The following CCDC77 variants were observed in gnomAD, a reference collection of about 807,000 sequenced individuals.
CCDC77 encodes coiled-coil domain-containing protein 77.
Under a neutral mutation model 66.8 loss-of-function variants are expected in CCDC77, and 56 were observed. That is an observed-to-expected ratio of 0.84 (90% confidence interval 0.68 to 1.05). The LOEUF (loss-of-function observed/expected upper bound fraction) is 1.05, where lower values mean the gene tolerates loss of function less well. Among genes scored for constraint, CCDC77 ranks in the 50% least tolerant of loss-of-function variants. The pLI is 0.00. For synonymous variants in CCDC77, 196 were observed against 195.2 expected (o/e 1.00, Z -0.03); for missense variants, 570 against 576.8 (o/e 0.99, Z 0.12).
At chr12:434,070 T>G (rs1041517786) in intron 9 of CCDC77, among the ~76,000 whole-genome samples, 1 of 152,198 alleles carries the variant, frequency 6.6e-6, no homozygotes, top group African/African-American at 2.4e-5. Flanking sequence ...TCCTGTAAAC[T>G]TTACAGTTTA....
chr12:409,274 TATG>T (rs1425825587), intron 2 of CCDC77, 91 bp from the exon 3 acceptor site: 58 of 782,304 alleles, frequency 7.4e-5, no homozygotes, highest in Non-Finnish European at 6.4e-6. Flanking sequence ...AAGAAGCAAA[TATG>T]ATGATGTTGA....
chr12:427,384 A>G (rs748014654), intron 5 of CCDC77, among the ~76,000 whole-genome samples: 3 of 151,196 alleles, frequency 2.0e-5, no homozygotes, highest in African/African-American at 7.3e-5. Flanking sequence ...CTACCCATCT[A>G]CCTTGCTGCT....
intron 3 of CCDC77, among the ~76,000 whole-genome samples, chr12:410,349 C>T (rs780138589): frequency 2.6e-5 from 4 of 151,830 alleles, no homozygotes; most frequent in Admixed American, 1.3e-4. Flanking sequence ...CTCACCGCAA[C>T]GTCTGCCTCC....
At chr12:408,130 A>C (rs578213502) in intron 2 of CCDC77, among the ~76,000 whole-genome samples, 1 of 152,190 alleles carries the variant, frequency 6.6e-6, no homozygotes, top group Non-Finnish European at 1.5e-5. Flanking sequence ...GTAGAAGGAC[A>C]TAACAGAACA....
chr12:428,374 A>T (rs1011868515), intron 5 of CCDC77, among the ~76,000 whole-genome samples: 3 of 151,628 alleles, frequency 2.0e-5, no homozygotes, highest in African/African-American at 4.8e-5. Context: ...AGCCGGGCAT[A>T]GTGGCGGGCG....
At chr12:400,934 G>C (rs1322238637), upstream of CCDC77, among the ~76,000 whole-genome samples, 1 of 152,156 alleles carries the variant, frequency 6.6e-6, no homozygotes, top group Non-Finnish European at 1.5e-5. Flanking sequence ...TGTAGCAGAT[G>C]CACGTTCCAT....
At chr12:412,653 G>A (rs1326420465) in intron 4 of CCDC77, among the ~76,000 whole-genome samples, 2 of 152,220 alleles carry the variant, frequency 1.3e-5, no homozygotes, top group African/African-American at 4.8e-5. Flanking sequence ...ATGGGTGTAT[G>A]GATGTGCAGA....
chr12:397,681 C>T (rs1944845975), upstream of CCDC77, among the ~76,000 whole-genome samples: 1 of 151,652 alleles, frequency 6.6e-6, no homozygotes, highest in Admixed American at 6.6e-5. Context: ...GAGTCTTGCT[C>T]TGTCACCCAG....
chr12:408,531 C>T lies in CCDC77; in HGVS notation c.-16-837C>T, dbSNP rs564676132. ...CCTTAATTTCTATTTACTACTTCTG[C>T]TTTTGGAGAGGGGAGTGGGGGCAGG... On this transcript the variant is annotated intron_variant, in intron 2 of 12. Transcript: ENST00000239830. Among the ~76,000 whole-genome samples the T allele has an allele frequency of 5.3e-5, 8 of 152,118 alleles. No homozygotes were observed. The East Asian group carries it at 1.4e-3, about 26-fold the overall frequency.
rs1292072154 is a variant in CCDC77, at chr12:416,334, GGTGTGTGGGGGT to G, written c.271-2152_271-2141del. ...GTGTGTGTGTGTGTGTGAGTCTGTG[GGTGTGTGGGGGT>G]GTGTGTGTGTGTGTGTGTGTGTGTG... On this transcript the variant is annotated intron_variant, in intron 4 of 12. Coordinates refer to ENST00000239830, the MANE Select transcript of CCDC77 (RefSeq NM_032358.4). Among the ~76,000 whole-genome samples the G allele has an allele frequency of 1.0e-3, 51 of 50,758 alleles. 3 individuals carry two copies. Among genetic ancestry groups the G allele is most frequent in the South Asian group, 3.5e-3 (5 of 1,416 alleles). The allele number at this position is 50,758 out of a possible 152,430, so 33.3% of individuals were successfully genotyped here. A position where few individuals can be genotyped will look rare whatever the true frequency, so the allele number is the denominator to read the frequency against.
intron 1 of CCDC77, among the ~76,000 whole-genome samples, chr12:392,594 A>T (rs1375167426): frequency 6.6e-6 from 1 of 151,960 alleles, no homozygotes; most frequent in East Asian, 1.9e-4. Flanking sequence ...AAAATACAAA[A>T]CTTAGCCGGG....
At chr12:431,350 C>A (rs1945648740) in intron 7 of CCDC77, among the ~76,000 whole-genome samples, 1 of 151,744 alleles carries the variant, frequency 6.6e-6, no homozygotes, top group African/African-American at 2.4e-5. Context: ...TCCTGAGTAG[C>A]TAGGACGACA....
chr12:419,539 A>G (rs1204586028), intron 5 of CCDC77, among the ~76,000 whole-genome samples: 1 of 55,894 alleles, frequency 1.8e-5, no homozygotes, highest in Non-Finnish European at 3.7e-5. Context: ...GGGTAAACAC[A>G]CATAGCAGCA....
At chr12:412,646 G>A (rs139792654) in intron 4 of CCDC77, among the ~76,000 whole-genome samples, 1 of 152,286 alleles carries the variant, frequency 6.6e-6, no homozygotes, top group East Asian at 1.9e-4. Context: ...TTCTGGAATG[G>A]GTGTATGGAT....
chr12:425,452 G>T (rs1252546320), intron 5 of CCDC77, among the ~76,000 whole-genome samples: 2 of 151,874 alleles, frequency 1.3e-5, no homozygotes, highest in African/African-American at 4.9e-5. Context: ...TCCGCCAAAT[G>T]ATGTCCCAAG....
chr12:415,343 T>TA (rs1565567978), intron 4 of CCDC77, among the ~76,000 whole-genome samples: 2 of 101,626 alleles, frequency 2.0e-5, no homozygotes, highest in East Asian at 7.4e-4. Flanking sequence ...ATTATGTTAA[T>TA]ATAATCAACA....
chr12:437,278 T>C (rs1945776671), intron 9 of CCDC77, among the ~76,000 whole-genome samples: 1 of 152,202 alleles, frequency 6.6e-6, no homozygotes, highest in Admixed American at 6.5e-5. Flanking sequence ...TTTCAGGAAA[T>C]AGTCACCATG....
rs1945797385 is a variant in CCDC77 at position 438,548 on chromosome 12, T to C, written c.1035T>C (p.Tyr345=). Residue 345 remains tyrosine (Y), a synonymous_variant, in exon 10 of 13, where the codon TAT becomes TAC. Transcript: ENST00000239830. Reference sequence around the variant, plus strand: ...AGAGTCACCATGCTCAAAGTGAATATATTAAGGTAATGTCCTTATGTCGTA... The same window carrying C: ...AGAGTCACCATGCTCAAAGTGAATACATTAAGGTAATGTCCTTATGTCGTA... ...MHESHHAQSE[Y]IKSLKDKLVQ... The C allele has an allele frequency of 6.8e-6, 11 of 1,608,648 alleles. No individual in the cohort carries two copies. In the South Asian group the frequency reaches 1.1e-4, roughly 16 times the overall value.
At chr12:399,703 A>ACGT (rs1267244680), upstream of CCDC77, among the ~76,000 whole-genome samples, 1 of 152,226 alleles carries the variant, frequency 6.6e-6, no homozygotes, top group African/African-American at 2.4e-5. Context: ...GTGAACTTAA[A>ACGT]ATACTCAGTT....
Sources: allele counts gnomAD v4.1 joint callset (sites outside exome capture counted in the v4.1 genomes callset), GRCh38; gene constraint gnomAD v4.1.1; transcripts MANE v1.5; gene names NCBI Gene and HGNC (gene_info 2026-07-23, HGNC 2026-07-21).